The following FAM234A variants were observed in gnomAD, a reference collection of about 807,000 sequenced individuals.
The protein encoded by FAM234A is protein FAM234A.
A neutral mutation model predicts 49.1 loss-of-function variants in FAM234A; 42 were observed. The ratio of observed to expected loss-of-function variants is 0.86; its 90% CI spans 0.67 to 1.11. The LOEUF (loss-of-function observed/expected upper bound fraction) is 1.11, where lower values mean the gene tolerates loss of function less well. Ranked by LOEUF, FAM234A falls within the 50% of genes least tolerant of loss-of-function variation. The pLI is 0.00. For synonymous variants in FAM234A, 369 were observed against 316.2 expected (o/e 1.17, Z -1.77); for missense variants, 815 against 745.2 (o/e 1.09, Z -1.09).
chr16:260,047 A>G lies in FAM234A; in HGVS notation c.464A>G (p.Gln155Arg). ...GSTLWERPVAQDVALVECAVP... is the reference protein window; with the variant it reads ...GSTLWERPVARDVALVECAVP... ...ACGCTCTGGGAGAGACCTGTGGCCC[A>G]AGACGTGGCCCTCGTGGAGTGTGCT... Residue 155 changes from glutamine to arginine, a missense_variant, in exon 5 of 13, where the codon CAA becomes CGA. Coordinates refer to ENST00000399932, the MANE Select transcript of FAM234A (RefSeq NM_032039.4). The G allele has an allele frequency of 6.2e-7, 1 of 1,613,710 alleles. No individual in the cohort carries two copies. The highest frequency in any genetic ancestry group is 8.5e-7 in the Non-Finnish European group (1 of 1,180,010).
At chr16:245,308 G>T (rs1323306368) in intron 1 of FAM234A, among the ~76,000 whole-genome samples, 1 of 152,090 alleles carries the variant, frequency 6.6e-6, no homozygotes, top group Non-Finnish European at 1.5e-5. Context: ...GATCACCACT[G>T]CCCTCCAGCC....
intron 2 of FAM234A, among the ~76,000 whole-genome samples, chr16:250,012 C>A (rs1331989588): frequency 1.3e-5 from 2 of 152,178 alleles, no homozygotes; most frequent in Non-Finnish European, 2.9e-5. Context: ...GTGGCGCGAT[C>A]TCGGCTCACT....
intron 7 of FAM234A, 60 bp from the exon 8 acceptor site, chr16:262,338 GCCTGGCTCCATGTGGCACTGCGTGCC>G: frequency 1.3e-6 from 2 of 1,561,616 alleles, no homozygotes; most frequent in South Asian, 2.4e-5. Flanking sequence ...AAGCCCAGGG[GCCTGGCTCCATGTGGCACTGCGTGCC>G]CCTGGTCCGG....
rs754935510 is a variant in FAM234A, at chr16:264,666, G to C, written c.1397G>C (p.Arg466Pro). 1.2e-6 allele frequency: 2 copies of C among 1,612,026 alleles called. No homozygotes were observed. Among genetic ancestry groups the C allele is most frequent in the Non-Finnish European group, 1.7e-6 (2 of 1,179,938 alleles). Residue 466 changes from arginine to proline, a missense_variant, in exon 12 of 13, where the codon CGC becomes CCC. Physicochemically the swap from Arg to Pro is moderately radical, Grantham distance 103. Transcript: ENST00000399932. ...SLYMFHPTLP[R>P]VLLELANVST... ...TACATGTTCCACCCCACCCTGCCGC[G>C]CGTGCTGCTGGAGCTGGCCAATGTC...
At chr16:268,490 G>A (rs1224177496), downstream of FAM234A, 7 of 517,142 alleles carry the variant, frequency 1.4e-5, no homozygotes, top group East Asian at 2.4e-4. Context: ...GAGGCACTTG[G>A]GGGATGGGGA....
rs116990355 is a variant in FAM234A, at chr16:244,258, G to A, written c.-139-5291G>A. Among the ~76,000 whole-genome samples, 841 of 152,262 alleles carry A rather than the reference G, an allele frequency of 5.5e-3. 3 individuals are homozygous for A. The highest frequency in any genetic ancestry group is 7.6e-3 in the Non-Finnish European group (516 of 68,022). ...GCTGGGATTACAGGCGTGAGCCACC[G>A]CGCCCGGTCGGAAAATGATTTTAAT... On this transcript the variant is annotated intron_variant, in intron 1 of 12. Transcript: ENST00000399932.
rs1442961564 is a variant in FAM234A at position 264,003 on chromosome 16, C to T, written c.1189-13C>T. 6.2e-7 allele frequency: 1 copy of T among 1,605,842 alleles called. No homozygotes were observed. Among genetic ancestry groups the T allele is most frequent in the Admixed American group, 1.7e-5 (1 of 59,466 alleles). ...CCCCACGTTGGCCCCCACAGTGTCC[C>T]CTCCCTCCCCAGATCCTGTTTCTGG... On this transcript the variant is annotated splice_polypyrimidine_tract_variant and intron_variant, in intron 10 of 12. Transcript: ENST00000399932.
intron 3 of FAM234A, among the ~76,000 whole-genome samples, chr16:258,366 A>C (rs571868931): frequency 6.6e-6 from 1 of 152,136 alleles, no homozygotes; most frequent in Non-Finnish European, 1.5e-5. Flanking sequence ...CTTAACGAGC[A>C]TGCTGCCTTC....
downstream of FAM234A, chr16:266,100 C>A (rs571653403): frequency 1.0e-6 from 1 of 985,380 alleles, no homozygotes; most frequent in Admixed American, 6.1e-5. Context: ...TGAAAAACCC[C>A]GGTGGTCAGG....
In FAM234A at chr16:259,466, G is replaced by A. The variant is rs563706941; in HGVS notation, c.269-17G>A. On this transcript the variant is annotated splice_polypyrimidine_tract_variant and intron_variant, in intron 3 of 12. Transcript: ENST00000399932. ...AGGCATGGCCCGCGGAGTATAGTCT[G>A]TGGTTTTCTCTTTCAGTTATCTATG... 194 of 1,425,238 alleles carry A rather than the reference G, an allele frequency of 1.4e-4. 3 individuals carry two copies. In the South Asian group the frequency reaches 2.2e-3, roughly 16 times the overall value. The allele number at this position is 1,425,238 out of a possible 1,614,324, so 88.3% of individuals were successfully genotyped here.
chr16:240,748 C>T (rs1416502054), intron 1 of FAM234A, among the ~76,000 whole-genome samples: 1 of 151,936 alleles, frequency 6.6e-6, no homozygotes, highest in Admixed American at 6.6e-5. Flanking sequence ...GTGATCCAGC[C>T]GCCTAGGCCT....
At position 265,310 on chromosome 16, in the gene FAM234A, G is replaced by A; in HGVS notation, c.*288G>A. ...CCGCTCACACCAGGCAGCCTTCATA[G>A]TGGTCTCCCTGGCCACCTTGGGCAG... On this transcript the variant is annotated 3_prime_UTR_variant, in exon 13 of 13. Coordinates refer to ENST00000399932, the MANE Select transcript of FAM234A (RefSeq NM_032039.4). 8.2e-7 allele frequency: 1 copy of A among 1,223,898 alleles called. No individual in the cohort carries two copies. Among genetic ancestry groups the A allele is most frequent in the Non-Finnish European group, 1.0e-6 (1 of 977,498 alleles). The allele number at this position is 1,223,898 out of a possible 1,614,324, so 75.8% of individuals were successfully genotyped here. A position where few individuals can be genotyped will look rare whatever the true frequency, so the allele number is the denominator to read the frequency against.
At chr16:253,980 C>A (rs1567217163) in intron 2 of FAM234A, 1 of 208,122 alleles carries the variant, frequency 4.8e-6, no homozygotes, top group Non-Finnish European at 9.8e-6. Context: ...TGTGTGCGCA[C>A]CTGGGTCACC....
intron 2 of FAM234A, among the ~76,000 whole-genome samples, chr16:251,012 A>G (rs1314899685): frequency 6.6e-6 from 1 of 152,148 alleles, no homozygotes; most frequent in Non-Finnish European, 1.5e-5. Flanking sequence ...GCTGGAGTGC[A>G]ATGGTGCAAT....
At chr16:244,626 G>T (rs931535678) in intron 1 of FAM234A, among the ~76,000 whole-genome samples, 2 of 146,776 alleles carry the variant, frequency 1.4e-5, no homozygotes, top group Admixed American at 6.8e-5. Context: ...TTCACAAAAT[G>T]TTGTAAAAAT....
At chr16:266,800 T>A (rs1051207678), downstream of FAM234A, among the ~76,000 whole-genome samples, 15 of 152,066 alleles carry the variant, frequency 9.9e-5, no homozygotes, top group African/African-American at 3.4e-4. Context: ...TGCGGACGCG[T>A]CCTATAAGTG....
intron 1 of FAM234A, chr16:248,250 T>TC (rs2050885003): frequency 6.6e-6 from 1 of 151,986 alleles, no homozygotes. Context: ...ACAGAGATGG[T>TC]CCGTGCATGG....
chr16:238,765 CAAAAAAA>C (rs34366851), intron 1 of FAM234A, among the ~76,000 whole-genome samples: 6 of 37,898 alleles, frequency 1.6e-4, no homozygotes, highest in Non-Finnish European at 2.2e-4. Context: ...GACTCCGTCT[CAAAAAAA>C]AAAAAAAAAA....
intron 1 of FAM234A, among the ~76,000 whole-genome samples, chr16:235,581 T>G (rs1477087961): frequency 6.6e-6 from 1 of 152,210 alleles, no homozygotes; most frequent in African/African-American, 2.4e-5. Context: ...GTTCTAAACC[T>G]TGTGATTCCA....
Sources: allele counts gnomAD v4.1 joint callset (sites outside exome capture counted in the v4.1 genomes callset), GRCh38; gene constraint gnomAD v4.1.1; transcripts MANE v1.5; gene names NCBI Gene and HGNC (gene_info 2026-07-23, HGNC 2026-07-21).